The following CCNY variants were observed in gnomAD, a reference collection of about 807,000 sequenced individuals.
The protein encoded by CCNY is cyclin-Y.
CCNY carries 19 observed loss-of-function variants against 42.8 expected under a neutral mutation model. That is an observed-to-expected ratio of 0.44 (90% CI 0.31 to 0.65). CCNY has a LOEUF of 0.65. CCNY is among the 30% of genes least tolerant of loss of function. The pLI is 0.07. For synonymous variants in CCNY, 165 were observed against 162.7 expected (o/e 1.01, Z -0.11); for missense variants, 370 against 437.3 (o/e 0.85, Z 1.37).
chr10:35,517,460 T>C (rs951083858), intron 4 of CCNY, among the ~76,000 whole-genome samples: 5 of 152,224 alleles, frequency 3.3e-5, no homozygotes, highest in African/African-American at 1.2e-4. Flanking sequence ...TGTCAGCATA[T>C]GAAATAAGTG....
At chr10:35,332,389 G>C (rs112321640), upstream of CCNY, 2 of 152,148 alleles carry the variant, frequency 1.3e-5, no homozygotes, top group South Asian at 2.1e-4. Flanking sequence ...TCATGGATAC[G>C]AGTATGGCTG....
At chr10:35,253,414 ATTTTT>A (rs61405875) in intron 3 of CCNY, among the ~76,000 whole-genome samples, 6 of 89,026 alleles carry the variant, frequency 6.7e-5, no homozygotes, top group African/African-American at 1.4e-4. Flanking sequence ...CATGCTCACT[ATTTTT>A]TTTTTTTTTT....
At chr10:35,501,437 A>G in intron 2 of CCNY, 64 bp from the exon 3 acceptor site, 1 of 1,421,592 alleles carries the variant, frequency 7.0e-7, no homozygotes, top group Non-Finnish European at 1.0e-6. Context: ...CCCAGTCCTC[A>G]TCCACCTGCC....
chr10:35,322,830 T>C (rs765647701), intron 3 of CCNY, among the ~76,000 whole-genome samples: 14 of 152,254 alleles, frequency 9.2e-5, no homozygotes, highest in Non-Finnish European at 8.8e-5. Flanking sequence ...AAAAGACTGA[T>C]AATAGCAAGT....
intron 3 of CCNY, among the ~76,000 whole-genome samples, chr10:35,258,739 C>T (rs2095717290): frequency 6.6e-6 from 1 of 152,044 alleles, no homozygotes; most frequent in African/African-American, 2.4e-5. Context: ...AGTTCAAGAC[C>T]AGCCTGGCCA....
intron 3 of CCNY, among the ~76,000 whole-genome samples, chr10:35,317,860 G>C (rs1035535621): frequency 8.2e-6 from 1 of 121,414 alleles, no homozygotes; most frequent in Non-Finnish European, 1.8e-5. Flanking sequence ...AACCCATCTA[G>C]AGAGACTTTC....
intron 3 of CCNY, among the ~76,000 whole-genome samples, chr10:35,294,178 G>A (rs1835445954): frequency 6.6e-6 from 1 of 152,090 alleles, no homozygotes; most frequent in African/African-American, 2.4e-5. Context: ...AGCTCCTTAG[G>A]ATATTCTAGA....
intron 3 of CCNY, among the ~76,000 whole-genome samples, chr10:35,259,214 C>T (rs891713172): frequency 2.0e-5 from 3 of 152,106 alleles, no homozygotes; most frequent in Non-Finnish European, 4.4e-5. Context: ...CTGTCCAGGC[C>T]TTTGTTTGAA....
At chr10:35,347,856 T>C (rs1836340506) in intron 1 of CCNY, among the ~76,000 whole-genome samples, 1 of 152,252 alleles carries the variant, frequency 6.6e-6, no homozygotes, top group African/African-American at 2.4e-5. Context: ...ACAGTAGGTT[T>C]GTAAAATTTG....
At chr10:35,436,209 C>T (rs1838528934) in intron 1 of CCNY, among the ~76,000 whole-genome samples, 1 of 152,156 alleles carries the variant, frequency 6.6e-6, no homozygotes, top group African/African-American at 2.4e-5. Flanking sequence ...GGGATTTGGA[C>T]ATCGCCTTTT....
intron 1 of CCNY, among the ~76,000 whole-genome samples, chr10:35,362,913 C>A (rs144739642): frequency 6.6e-6 from 1 of 151,404 alleles, no homozygotes. Context: ...GGGCGGCAGC[C>A]GGACAGAGGC....
chr10:35,498,149 T>C lies in CCNY; in HGVS notation c.230-3352T>C, dbSNP rs137879054. Among the ~76,000 whole-genome samples the C allele has an allele frequency of 5.3e-3, 811 of 152,242 alleles. 10 individuals are homozygous for C. Among genetic ancestry groups the C allele is most frequent in the African/African-American group, 0.019 (776 of 41,510 alleles). On this transcript the variant is annotated intron_variant, in intron 2 of 9. Coordinates refer to ENST00000374704, the MANE Select transcript of CCNY (RefSeq NM_145012.6). ...TTCACAAATGAGTTGTGAAAACACC[T>C]GTGGAATGTTGTCAGCCAGGGAAAC... is the stretch of plus-strand genomic sequence containing the variant.
intron 3 of CCNY, among the ~76,000 whole-genome samples, chr10:35,253,526 C>A (rs1267775858): frequency 2.0e-5 from 3 of 149,580 alleles, no homozygotes; most frequent in Non-Finnish European, 3.0e-5. Context: ...CATCCTCCCA[C>A]CTTGACCTCC....
chr10:35,490,232 A>G (rs1564432004), intron 2 of CCNY, among the ~76,000 whole-genome samples: 1 of 152,212 alleles, frequency 6.6e-6, no homozygotes, highest in African/African-American at 2.4e-5. Flanking sequence ...GGTTCTTCAT[A>G]TGACTTTGTT....
Position 35,252,159 on chromosome 10 carries a change from A to G in CCNY, c.-9+1533A>G, listed in dbSNP as rs59444884. On this transcript the variant is annotated intron_variant, in intron 3 of 11. Transcript: ENST00000374706. Reference sequence around the variant, plus strand: ...GAGGGCATTTATAGAATTTTATTATATTCTTTCTTTGATATTTGCCTTTTA... The same window carrying G: ...GAGGGCATTTATAGAATTTTATTATGTTCTTTCTTTGATATTTGCCTTTTA... Among the ~76,000 whole-genome samples, 1,333 of 152,248 alleles carry G rather than the reference A, an allele frequency of 8.8e-3. 25 individuals carry two copies. Among genetic ancestry groups the G allele is most frequent in the African/African-American group, 0.03 (1,246 of 41,540 alleles).
At chr10:35,471,928 ACT>A (rs1273084638) in intron 1 of CCNY, among the ~76,000 whole-genome samples, 1 of 152,128 alleles carries the variant, frequency 6.6e-6, no homozygotes, top group African/African-American at 2.4e-5. Context: ...GAGGTAGGAG[ACT>A]CTAAGTCAGG....
chr10:35,537,850 A>C (rs939335860), intron 7 of CCNY, among the ~76,000 whole-genome samples: 2 of 152,218 alleles, frequency 1.3e-5, no homozygotes, highest in East Asian at 3.9e-4. Flanking sequence ...ATGAGGGACT[A>C]TTAGGGAGGC....
chr10:35,389,087 GA>G (rs1206689882), intron 1 of CCNY, among the ~76,000 whole-genome samples: 1 of 152,192 alleles, frequency 6.6e-6, no homozygotes, highest in Non-Finnish European at 1.5e-5. Flanking sequence ...TGCCATGTAA[GA>G]TTGCAGGTTC....
At chr10:35,295,291 G>T (rs1436498143) in intron 3 of CCNY, among the ~76,000 whole-genome samples, 1 of 151,296 alleles carries the variant, frequency 6.6e-6, no homozygotes, top group Non-Finnish European at 1.5e-5. Context: ...GAGTGCAATG[G>T]TGTGATCTTG....
Sources: gnomAD v4.1 joint callset for allele counts (sites outside exome capture counted in the v4.1 genomes callset) on GRCh38, gnomAD v4.1.1 for gene constraint, MANE v1.5 for transcripts, NCBI Gene and HGNC (gene_info 2026-07-23, HGNC 2026-07-21) for gene names.